SLC25A13: variants seen among roughly 807,000 people sequenced by gnomAD.
SLC25A13 encodes the protein electrogenic aspartate/glutamate antiporter SLC25A13, mitochondrial.
A neutral mutation model predicts 85.5 loss-of-function variants in SLC25A13; 70 were observed. The observed-to-expected ratio is 0.82, with a 90% confidence interval of 0.68 to 1.00. The LOEUF is 1.00. Ranked by LOEUF, SLC25A13 falls within the 50% of genes least tolerant of loss-of-function variation. The pLI is 0.00. For synonymous variants in SLC25A13, 259 were observed against 288.7 expected, an observed-to-expected ratio of 0.90 and a Z score of 1.04; for missense variants, 765 against 819.8, an observed-to-expected ratio of 0.93 and a Z score of 0.82.
intron 4 of SLC25A13, among the ~76,000 whole-genome samples, chr7:96,223,402 T>C (rs1005781858): frequency 2.6e-5 from 4 of 152,140 alleles, no homozygotes; most frequent in Admixed American, 1.3e-4. Flanking sequence ...AAGAAAACAT[T>C]TGGGAGTTTA....
At chr7:96,161,958 G>A (rs928136924) in intron 13 of SLC25A13, among the ~76,000 whole-genome samples, 2 of 152,104 alleles carry the variant, frequency 1.3e-5, no homozygotes, top group African/African-American at 4.8e-5. Flanking sequence ...TATTGCTATA[G>A]CATCACTATA....
At chr7:96,250,079 A>G (rs760229755) in intron 3 of SLC25A13, among the ~76,000 whole-genome samples, 2 of 152,048 alleles carry the variant, frequency 1.3e-5, no homozygotes, top group African/African-American at 2.4e-5. Flanking sequence ...GCTAATCAGG[A>G]GGCTGAGTGA....
At chr7:96,128,314 A>C (rs1212671440) in intron 15 of SLC25A13, among the ~76,000 whole-genome samples, 2 of 152,136 alleles carry the variant, frequency 1.3e-5, no homozygotes, top group Non-Finnish European at 2.9e-5. Flanking sequence ...TGCTGACTGG[A>C]ACCTCCAAAA....
intron 5 of SLC25A13, among the ~76,000 whole-genome samples, chr7:96,202,720 G>C (rs1795306133): frequency 6.6e-6 from 1 of 152,188 alleles, no homozygotes; most frequent in Admixed American, 6.5e-5. Context: ...GAATTGAAAA[G>C]AGGCAGCAGA....
intron 13 of SLC25A13, among the ~76,000 whole-genome samples, chr7:96,147,012 TCAAAGCCAAGGGCA>T (rs1792830352): frequency 6.6e-6 from 1 of 151,000 alleles, no homozygotes; most frequent in Non-Finnish European, 1.5e-5. Flanking sequence ...ACCACAGGAC[TCAAAGCCAAGGGCA>T]CAAAGGCAGT....
rs968558028 is a variant in SLC25A13 at position 96,286,217 on chromosome 7, A to T, written c.70-8879T>A. ...GAGGATGGCATGAACCTGGGGAGGCAGAGCTTGCAGTGAGCCAAGATCATA... is the reference window on the plus strand; with the variant it reads ...GAGGATGGCATGAACCTGGGGAGGCTGAGCTTGCAGTGAGCCAAGATCATA... On this transcript the variant is annotated intron_variant, in intron 2 of 17. Coordinates refer to ENST00000265631, the MANE Select transcript of SLC25A13 (RefSeq NM_014251.3). 3.3e-5 allele frequency among the ~76,000 whole-genome samples: 5 copies of T among 151,122 alleles called. No homozygotes were observed. The South Asian group carries it at 1.0e-3, about 32-fold the overall frequency.
intron 5 of SLC25A13, 122 bp downstream of exon 5, chr7:96,208,716 A>G: frequency 9.0e-7 from 1 of 1,113,348 alleles, no homozygotes; most frequent in Non-Finnish European, 1.3e-6. Flanking sequence ...CATGTTGGCC[A>G]GGATGGTCTC....
At chr7:96,272,674 T>C (rs1371112995) in intron 3 of SLC25A13, among the ~76,000 whole-genome samples, 1 of 152,194 alleles carries the variant, frequency 6.6e-6, no homozygotes, top group African/African-American at 2.4e-5. Flanking sequence ...TATGAGACGC[T>C]TTGCCTGTAA....
intron 14 of SLC25A13, among the ~76,000 whole-genome samples, chr7:96,140,650 G>A (rs982260841): frequency 2.6e-5 from 4 of 151,680 alleles, no homozygotes; most frequent in African/African-American, 4.8e-5. Flanking sequence ...TGATCTGCCC[G>A]CATCGGTCTC....
At chr7:96,235,271 C>T (rs1408661677) in intron 3 of SLC25A13, among the ~76,000 whole-genome samples, 1 of 152,134 alleles carries the variant, frequency 6.6e-6, no homozygotes, top group Non-Finnish European at 1.5e-5. Flanking sequence ...TGCCTAACAG[C>T]AAAATAGAGC....
chr7:96,123,879 C>G (rs1350857002), intron 15 of SLC25A13, among the ~76,000 whole-genome samples: 1 of 152,222 alleles, frequency 6.6e-6, no homozygotes, highest in Non-Finnish European at 1.5e-5. Context: ...TCTGCCTGCT[C>G]TCTTCTGGAT....
chr7:96,185,482 T>G (rs552799111), intron 9 of SLC25A13, among the ~76,000 whole-genome samples: 25 of 152,140 alleles, frequency 1.6e-4, no homozygotes, highest in African/African-American at 6.0e-4. Context: ...GCCTGTAGTC[T>G]CAGCTACTCA....
intron 4 of SLC25A13, among the ~76,000 whole-genome samples, chr7:96,233,620 C>A (rs1796640432): frequency 6.6e-6 from 1 of 152,204 alleles, no homozygotes; most frequent in African/African-American, 2.4e-5. Flanking sequence ...TACTATCTTA[C>A]CAATACTTTA....
chr7:96,247,942 T>C (rs1304270365), intron 3 of SLC25A13, among the ~76,000 whole-genome samples: 1 of 149,920 alleles, frequency 6.7e-6, no homozygotes, highest in Non-Finnish European at 1.5e-5. Flanking sequence ...ATGTCTGCAT[T>C]GAGAGTAGCA....
rs148996195 is a variant in SLC25A13 at position 96,316,252 on chromosome 7, A to C, written c.15+5690T>G. 4.9e-4 allele frequency among the ~76,000 whole-genome samples: 75 copies of C among 152,344 alleles called. 1 individual carries two copies. The highest frequency in any genetic ancestry group is 1.7e-3 in the African/African-American group (71 of 41,574). ...ATAAATCATATGCTTTAAATGGGTA[A>C]ATTGTATAGTACTTGAATTATATCT... On this transcript the variant is annotated intron_variant, in intron 1 of 17. Transcript: ENST00000265631.
chr7:96,184,224 C>T, intron 11 of SLC25A13, 53 bp downstream of exon 11: 1 of 1,607,070 alleles, frequency 6.2e-7, no homozygotes. Flanking sequence ...AGATGAGAAA[C>T]CAAACCTTTG....
intron 4 of SLC25A13, among the ~76,000 whole-genome samples, chr7:96,225,406 C>T (rs1234404622): frequency 6.6e-6 from 1 of 152,014 alleles, no homozygotes; most frequent in African/African-American, 2.4e-5. Flanking sequence ...GTTAGCTGGA[C>T]ATGGTAGCGC....
chr7:96,205,898 TAAG>T (rs1795441717), intron 5 of SLC25A13, among the ~76,000 whole-genome samples: 3 of 151,592 alleles, frequency 2.0e-5, no homozygotes, highest in South Asian at 4.2e-4. Flanking sequence ...TGGTGGTTTC[TAAG>T]AAGCTCACAC....
At chr7:96,274,807 T>G (rs1205175222) in intron 3 of SLC25A13, among the ~76,000 whole-genome samples, 3 of 152,224 alleles carry the variant, frequency 2.0e-5, no homozygotes, top group Non-Finnish European at 2.9e-5. Context: ...TTGTCAAAGA[T>G]CAGATGGTTG....
Sources: allele counts gnomAD v4.1 joint callset (sites outside exome capture counted in the v4.1 genomes callset), GRCh38; gene constraint gnomAD v4.1.1; transcripts MANE v1.5; gene names NCBI Gene and HGNC (gene_info 2026-07-23, HGNC 2026-07-21).